Variants in CDKL4 observed in about 807,000 individuals in gnomAD.
CDKL4 encodes cyclin dependent kinase like 4.
Under a neutral mutation model 42.0 loss-of-function variants are expected in CDKL4, and 44 were observed. That is an observed-to-expected ratio of 1.05 (90% CI 0.82 to 1.35). The LOEUF (loss-of-function observed/expected upper bound fraction) is 1.35, where lower values mean the gene tolerates loss of function less well. Ranked by LOEUF, CDKL4 falls within the 40% of genes most tolerant of loss-of-function variation. The pLI is 0.00. For missense variants in CDKL4, 393 were observed against 369.9 expected (o/e 1.06, Z -0.51); for synonymous variants, 120 against 121.6 (o/e 0.99, Z 0.09).
intron 1 of CDKL4, among the ~76,000 whole-genome samples, chr2:39,236,187 C>T (rs930685085): frequency 6.9e-6 from 1 of 144,302 alleles, no homozygotes; most frequent in African/African-American, 2.5e-5. Flanking sequence ...AATGAAAAAT[C>T]CTGTAGATGG....
chr2:39,203,451 A>C (rs1281605933), intron 5 of CDKL4, among the ~76,000 whole-genome samples: 1 of 152,212 alleles, frequency 6.6e-6, no homozygotes, highest in African/African-American at 2.4e-5. Context: ...ATGGATTTCC[A>C]GGAAAAAAAC....
chr2:39,199,936 G>C (rs1041109246), intron 5 of CDKL4, among the ~76,000 whole-genome samples: 2 of 152,070 alleles, frequency 1.3e-5, no homozygotes, highest in African/African-American at 4.8e-5. Flanking sequence ...ACAAGACAAG[G>C]ATGCCCACTT....
At chr2:39,188,654 G>A (rs1460548368) in intron 6 of CDKL4, among the ~76,000 whole-genome samples, 2 of 144,550 alleles carry the variant, frequency 1.4e-5, no homozygotes, top group Non-Finnish European at 3.0e-5. Context: ...TCATAAATGA[G>A]ATTTTATGAG....
upstream of CDKL4, among the ~76,000 whole-genome samples, chr2:39,246,135 A>G (rs1171392419): frequency 2.0e-5 from 3 of 152,182 alleles, no homozygotes; most frequent in Non-Finnish European, 2.9e-5. Flanking sequence ...TAGCATCTCC[A>G]TACTTCCCTA....
chr2:39,240,562 A>C (rs1353080127), intron 1 of CDKL4, among the ~76,000 whole-genome samples: 1 of 152,124 alleles, frequency 6.6e-6, no homozygotes, highest in Non-Finnish European at 1.5e-5. Context: ...CTATATGGAA[A>C]ACAATCCAAA....
chr2:39,178,562 A>C (rs1461778739), intron 9 of CDKL4: 1 of 1,551,224 alleles, frequency 6.4e-7, no homozygotes, highest in East Asian at 2.4e-5. Flanking sequence ...ATTTAACTTC[A>C]AAGTTTTCTG....
intron 1 of CDKL4, among the ~76,000 whole-genome samples, chr2:39,230,287 C>G (rs778889933): frequency 2.6e-5 from 4 of 152,154 alleles, no homozygotes; most frequent in Non-Finnish European, 4.4e-5. Context: ...GCCCTTGAAC[C>G]CAGCTGAGAT....
intron 2 of CDKL4, 34 bp from the exon 3 acceptor site, chr2:39,225,994 C>G: frequency 6.3e-7 from 1 of 1,596,056 alleles, no homozygotes; most frequent in Non-Finnish European, 8.5e-7. Flanking sequence ...GTTAAGTGAT[C>G]TGTTACTAGT....
intron 3 of CDKL4, among the ~76,000 whole-genome samples, chr2:39,220,937 C>G (rs1678282753): frequency 7.6e-6 from 1 of 130,766 alleles, no homozygotes; most frequent in Admixed American, 7.8e-5. Context: ...CATTATCTCA[C>G]CATCCCATGG....
chr2:39,229,573 C>A (rs1397950090), exon 2 of CDKL4: 2 of 1,488,060 alleles, frequency 1.3e-6, no homozygotes, highest in African/African-American at 1.4e-5. Flanking sequence ...GATTGACTTG[C>A]AGTACAATGC....
intron 4 of CDKL4, among the ~76,000 whole-genome samples, chr2:39,209,425 C>T (rs1677444994): frequency 6.6e-6 from 1 of 152,010 alleles, no homozygotes; most frequent in Admixed American, 6.6e-5. Context: ...GTTAAATGGA[C>T]CACTTTGGTT....
intron 8 of CDKL4, among the ~76,000 whole-genome samples, chr2:39,181,131 T>G (rs1034061389): frequency 6.6e-6 from 1 of 152,214 alleles, no homozygotes; most frequent in Non-Finnish European, 1.5e-5. Context: ...CCATTATGTA[T>G]TTTGAATTCT....
intron 3 of CDKL4, among the ~76,000 whole-genome samples, chr2:39,215,020 A>G (rs1422291736): frequency 6.6e-6 from 1 of 152,184 alleles, no homozygotes; most frequent in Non-Finnish European, 1.5e-5. Context: ...CATCACTCAC[A>G]TCACTGTCCC....
rs1313667292 is a variant in CDKL4 at position 39,204,619 on chromosome 2, T to A, written c.364-2A>T. ...AGGTTTTATATCTCTGTGAATACAC[T>A]GTAAGATCATTATTTGATTATTTTT... On this transcript the variant is annotated splice_acceptor_variant, in intron 4 of 9. Transcript: ENST00000451199. LOFTEE classifies it high-confidence loss of function. 7.2e-7 allele frequency: 1 copy of A among 1,381,506 alleles called. No individual in the cohort carries two copies. Among genetic ancestry groups the A allele is most frequent in the South Asian group, 1.2e-5 (1 of 83,376 alleles). 85.6% of individuals were successfully genotyped at this position (1,381,506 alleles called of 1,614,324 possible).
At chr2:39,175,169 G>A (rs939961137), downstream of CDKL4, among the ~76,000 whole-genome samples, 1 of 152,158 alleles carries the variant, frequency 6.6e-6, no homozygotes, top group African/African-American at 2.4e-5. Context: ...AGAGGCCATG[G>A]ATGCAAATGT....
intron 2 of CDKL4, among the ~76,000 whole-genome samples, chr2:39,227,438 C>T (rs567155256): frequency 7.2e-5 from 11 of 152,294 alleles, no homozygotes; most frequent in African/African-American, 2.6e-4. Context: ...TGTGTGCCTG[C>T]TGCTCCACAG....
chr2:39,223,581 C>CTCT (rs1558578019), intron 3 of CDKL4, among the ~76,000 whole-genome samples: 7 of 83,484 alleles, frequency 8.4e-5, no homozygotes, highest in East Asian at 3.2e-4. Context: ...ATTTCCTTCT[C>CTCT]TTTTTTTTTT....
chr2:39,171,920 C>A (rs888818316), downstream of CDKL4, among the ~76,000 whole-genome samples: 1 of 152,126 alleles, frequency 6.6e-6, no homozygotes, highest in African/African-American at 2.4e-5. Flanking sequence ...CCAGGTGATC[C>A]AGAAACTGCA....
intron 5 of CDKL4, among the ~76,000 whole-genome samples, chr2:39,202,953 T>C (rs955666944): frequency 6.6e-6 from 1 of 152,214 alleles, no homozygotes; most frequent in Non-Finnish European, 1.5e-5. Context: ...ACTAACAAGT[T>C]GGCAGTGTCT....
Sources: gnomAD v4.1 joint callset for allele counts (sites outside exome capture counted in the v4.1 genomes callset) on GRCh38, gnomAD v4.1.1 for gene constraint, MANE v1.5 for transcripts, NCBI Gene and HGNC (gene_info 2026-07-23, HGNC 2026-07-21) for gene names.